Variants in GKAP1 observed in about 807,000 individuals in gnomAD.
GKAP1 encodes G kinase-anchoring protein 1.
A neutral mutation model predicts 56.7 loss-of-function variants in GKAP1; 31 were observed. The observed-to-expected ratio is 0.55, with a 90% CI of 0.41 to 0.74. The LOEUF is 0.74. GKAP1 is among the 30% of genes least tolerant of loss of function. The probability of loss-of-function intolerance (pLI) is 0.00; values close to 1 mark genes in which losing one functional copy is unlikely to be tolerated. For synonymous variants in GKAP1, 151 were observed against 138.6 expected (o/e 1.09, Z -0.63); for missense variants, 364 against 402.3 (o/e 0.90, Z 0.82).
rs1564199151 is a variant in GKAP1 at position 83,774,701 on chromosome 9, C to CT, written c.585+5680_585+5681insA. Among the ~76,000 whole-genome samples, 185 of 100,946 alleles carry CT rather than the reference C, an allele frequency of 1.8e-3. 37 individuals carry two copies. The highest frequency in any genetic ancestry group is 2.6e-3 in the African/African-American group (79 of 30,060). The allele number at this position is 100,946 out of a possible 152,430, so 66.2% of individuals were successfully genotyped here. The stretch of plus-strand genomic sequence containing the variant: ...AGAAACTATCAATAAACAGAAACCC[C>CT]CTTTTTTTTTTTTTTTTTTTTTTTT... On this transcript the variant is annotated intron_variant, in intron 7 of 12. Transcript: ENST00000376371.
chr9:83,758,211 C>A (rs1943508805), intron 8 of GKAP1, among the ~76,000 whole-genome samples: 1 of 152,016 alleles, frequency 6.6e-6, no homozygotes, highest in South Asian at 2.1e-4. Context: ...AAAATCGATT[C>A]CAAGGAAATG....
chr9:83,811,117 C>T (rs1944500533), intron 2 of GKAP1, among the ~76,000 whole-genome samples: 1 of 152,216 alleles, frequency 6.6e-6, no homozygotes. Flanking sequence ...GGTGTTCTTA[C>T]TATTCTTATT....
intron 3 of GKAP1, among the ~76,000 whole-genome samples, chr9:83,801,888 T>C (rs1007316227): frequency 1.3e-5 from 2 of 152,204 alleles, no homozygotes; most frequent in African/African-American, 4.8e-5. Context: ...ACTGTGTGGA[T>C]AGCATTTTAA....
At chr9:83,779,226 C>T (rs1436507732) in intron 7 of GKAP1, among the ~76,000 whole-genome samples, 1 of 151,628 alleles carries the variant, frequency 6.6e-6, no homozygotes, top group East Asian at 1.9e-4. Flanking sequence ...AAAATGATGA[C>T]AATGGTTTGC....
chr9:83,770,257 T>C (rs1310274114), intron 7 of GKAP1, among the ~76,000 whole-genome samples: 1 of 152,242 alleles, frequency 6.6e-6, no homozygotes, highest in Non-Finnish European at 1.5e-5. Flanking sequence ...TTTACTCCTA[T>C]ATTTTCTTCT....
chr9:83,798,267 T>C (rs1315971366), intron 4 of GKAP1, among the ~76,000 whole-genome samples: 2 of 152,222 alleles, frequency 1.3e-5, no homozygotes, highest in African/African-American at 4.8e-5. Context: ...GACAGGCAAA[T>C]AAATAATTCA....
At chr9:83,775,874 CAAAAA>C (rs55669011) in intron 7 of GKAP1, among the ~76,000 whole-genome samples, 4 of 43,710 alleles carry the variant, frequency 9.2e-5, no homozygotes, top group Non-Finnish European at 1.2e-4. Context: ...GACTCTGTCT[CAAAAA>C]AAAAAAAAAA....
chr9:83,791,903 G>A (rs1429180312), intron 4 of GKAP1, among the ~76,000 whole-genome samples: 5 of 152,260 alleles, frequency 3.3e-5, no homozygotes, highest in Non-Finnish European at 2.9e-5. Flanking sequence ...GGCAGAAATA[G>A]AACTGCAGGA....
chr9:83,779,616 C>CATGTATATGTGTATATATATACACATAT (rs1564201928), intron 7 of GKAP1, among the ~76,000 whole-genome samples: 22 of 117,578 alleles, frequency 1.9e-4, no homozygotes, highest in Middle Eastern at 8.0e-3. Context: ...CACATATACA[C>CATGTATATGTGTATATATATACACATAT]ACACACACAC....
chr9:83,748,237 C>T, intron 10 of GKAP1, 72 bp downstream of exon 10: 1 of 998,368 alleles, frequency 1.0e-6, no homozygotes, highest in Non-Finnish European at 1.5e-6. Flanking sequence ...TGGTAAATCA[C>T]ACATTTGAAA....
chr9:83,755,739 CA>C (rs34812081), intron 8 of GKAP1, among the ~76,000 whole-genome samples: 81,464 of 148,268 alleles, frequency 0.55, 23,159 homozygotes, highest in Admixed American at 0.69. Flanking sequence ...ATATGACCAA[CA>C]AACATTAAAA....
intron 4 of GKAP1, among the ~76,000 whole-genome samples, chr9:83,798,732 T>G (rs2131311242): frequency 6.6e-6 from 1 of 152,086 alleles, no homozygotes; most frequent in East Asian, 1.9e-4. Context: ...CCCAGGGTGG[T>G]CTCAAACTCC....
At chr9:83,803,709 A>C (rs6559745) in intron 3 of GKAP1, among the ~76,000 whole-genome samples, 64,640 of 144,030 alleles carry the variant, frequency 0.45, 14,908 homozygotes, top group African/African-American at 0.61. Context: ...TCTGCCTGGC[A>C]GCCCATCGTC....
intron 6 of GKAP1, among the ~76,000 whole-genome samples, chr9:83,784,482 A>G (rs1445607864): frequency 6.6e-6 from 1 of 152,164 alleles, no homozygotes; most frequent in Non-Finnish European, 1.5e-5. Context: ...TGGACTTCCC[A>G]GCTTCCAGAA....
chr9:83,786,372 G>A (rs1315082668), intron 5 of GKAP1, among the ~76,000 whole-genome samples: 3 of 151,832 alleles, frequency 2.0e-5, no homozygotes, highest in Non-Finnish European at 2.9e-5. Context: ...GAGAAACCCC[G>A]TCTCTACTAA....
chr9:83,767,453 G>C (rs1475145488), intron 8 of GKAP1, among the ~76,000 whole-genome samples: 3 of 150,944 alleles, frequency 2.0e-5, no homozygotes, highest in Admixed American at 2.0e-4. Flanking sequence ...TCTGACTCCT[G>C]GGTTCAAGTG....
At chr9:83,781,461 A>G (rs550863483) in intron 6 of GKAP1, among the ~76,000 whole-genome samples, 6 of 152,336 alleles carry the variant, frequency 3.9e-5, no homozygotes, top group East Asian at 3.9e-4. Flanking sequence ...GAAATTTTCT[A>G]TTCTCAAGGA....
chr9:83,768,841 A>G lies in GKAP1; in HGVS notation c.715T>C (p.Cys239Arg), dbSNP rs1302805922. ...GCCTGGTTGTGTTCATGAGCTGTAC[A>G]ATTATCTGTTCCATTATATTCTGTA... ...QLTEYNGTDN[C>R]TAHEHNQEVV... Residue 239 changes from cysteine to arginine, a missense_variant, in exon 8 of 13, where the codon TGT becomes CGT. By Grantham distance (180) the Cys-to-Arg change is radical. Transcript: ENST00000376371. 1 of 1,612,490 alleles carries G rather than the reference A, an allele frequency of 6.2e-7. No homozygotes were observed.
chr9:83,757,878 A>G (rs548762418), intron 8 of GKAP1, among the ~76,000 whole-genome samples: 1 of 152,148 alleles, frequency 6.6e-6, no homozygotes, highest in African/African-American at 2.4e-5. Context: ...GGATATCTAG[A>G]TAAAATGAGG....
Sources: allele counts gnomAD v4.1 joint callset (sites outside exome capture counted in the v4.1 genomes callset), GRCh38; gene constraint gnomAD v4.1.1; transcripts MANE v1.5; gene names NCBI Gene and HGNC (gene_info 2026-07-23, HGNC 2026-07-21).